PXDN: variants seen among roughly 807,000 people sequenced by gnomAD.
PXDN encodes peroxidasin homolog.
Under a neutral mutation model 140.3 loss-of-function variants are expected in PXDN, and 77 were observed. The ratio of observed to expected loss-of-function variants is 0.55; its 90% CI spans 0.46 to 0.66. PXDN has a LOEUF of 0.66. Ranked by LOEUF, PXDN falls within the 30% of genes least tolerant of loss-of-function variation. The probability of loss-of-function intolerance (pLI) is 0.00; values close to 1 mark genes in which losing one functional copy is unlikely to be tolerated. For synonymous variants in PXDN, 911 were observed against 857.4 expected, an observed-to-expected ratio of 1.06 and a Z score of -1.09; for missense variants, 1,838 against 2,039.5, an observed-to-expected ratio of 0.90 and a Z score of 1.90.
chr2:1,683,737 G>T lies in PXDN; in HGVS notation c.489-10C>A. On this transcript the variant is annotated splice_polypyrimidine_tract_variant and intron_variant, in intron 5 of 22. Transcript: ENST00000252804. ...GTTGTTATGCAAAAATCTGTTGAAA[G>T]AGATTTTATAACAAACCAATTTTGA... The T allele has an allele frequency of 6.3e-7, 1 of 1,591,974 alleles. No individual in the cohort carries two copies. The highest frequency in any genetic ancestry group is 8.5e-7 in the Non-Finnish European group (1 of 1,170,056).
intron 1 of PXDN, among the ~76,000 whole-genome samples, chr2:1,706,183 G>A (rs1220291657): frequency 1.3e-5 from 2 of 152,144 alleles, no homozygotes; most frequent in Admixed American, 6.5e-5. Flanking sequence ...AGGAGCTCCC[G>A]GGTTATTCTA....
chr2:1,653,323 G>C (rs781697582), intron 16 of PXDN: 3 of 398,078 alleles, frequency 7.5e-6, no homozygotes, highest in Non-Finnish European at 4.8e-6. Flanking sequence ...GTTGCAGAGG[G>C]ACTGGGCTTG....
intron 10 of PXDN, 63 bp downstream of exon 10, chr2:1,666,151 G>T: frequency 6.3e-7 from 1 of 1,584,866 alleles, no homozygotes; most frequent in South Asian, 1.1e-5. Context: ...ATGGCAGCGC[G>T]AGCTAGTGGA....
At chr2:1,656,951 C>T (rs1683153919) in intron 14 of PXDN, among the ~76,000 whole-genome samples, 1 of 145,000 alleles carries the variant, frequency 6.9e-6, no homozygotes, top group Admixed American at 6.8e-5. Flanking sequence ...TCCCCTCCTG[C>T]CTCAGACCTG....
intron 1 of PXDN, among the ~76,000 whole-genome samples, chr2:1,704,369 G>T (rs1207473503): frequency 1.3e-5 from 1 of 74,326 alleles, no homozygotes; most frequent in Non-Finnish European, 2.8e-5. Flanking sequence ...CCAGGTGAAG[G>T]GGGGGCAACT....
At chr2:1,688,947 T>C (rs759850864) in intron 3 of PXDN, among the ~76,000 whole-genome samples, 2 of 152,168 alleles carry the variant, frequency 1.3e-5, no homozygotes, top group Non-Finnish European at 1.5e-5. Flanking sequence ...ACCTTATTTC[T>C]TACAACCCAT....
intron 8 of PXDN, 48 bp downstream of exon 8, chr2:1,676,879 G>A (rs368641177): frequency 2.0e-5 from 31 of 1,540,124 alleles, no homozygotes; most frequent in East Asian, 7.1e-5. Context: ...GTGTCTGAGT[G>A]TAACTCCGAG....
intron 21 of PXDN, among the ~76,000 whole-genome samples, chr2:1,637,466 C>T (rs112641103): frequency 2.0e-5 from 3 of 152,062 alleles, no homozygotes; most frequent in African/African-American, 7.3e-5. Flanking sequence ...GGAAGACCTG[C>T]CACACGCTGT....
Position 1,670,646 on chromosome 2 carries a change from C to T in PXDN, c.1018+2997G>A, listed in dbSNP as rs148982365. 1.4e-3 allele frequency among the ~76,000 whole-genome samples: 220 copies of T among 152,268 alleles called. 4 individuals carry two copies. The East Asian group carries it at 0.035, about 24-fold the overall frequency. On this transcript the variant is annotated intron_variant, in intron 9 of 22. Coordinates refer to ENST00000252804, the MANE Select transcript of PXDN (RefSeq NM_012293.3). ...AACCATGAAGCTACTCACAGAAGTACGAACACCAAAGTCAAAGTCGGCCTT... is the reference window on the plus strand; with the variant it reads ...AACCATGAAGCTACTCACAGAAGTATGAACACCAAAGTCAAAGTCGGCCTT...
At chr2:1,638,469 C>T (rs1400174534) in intron 21 of PXDN, among the ~76,000 whole-genome samples, 1 of 152,166 alleles carries the variant, frequency 6.6e-6, no homozygotes, top group Non-Finnish European at 1.5e-5. Flanking sequence ...GCCTCCTTAC[C>T]ACGCCCTGGG....
chr2:1,711,201 C>CCA (rs1212516537), intron 1 of PXDN, among the ~76,000 whole-genome samples: 1 of 84,390 alleles, frequency 1.2e-5, no homozygotes, highest in African/African-American at 4.9e-5. Flanking sequence ...CCACCAGCAC[C>CCA]CGCTCCACCA....
In PXDN at chr2:1,673,695, C is replaced by CACGT. The variant is rs778573162; in HGVS notation, c.962_965dup (p.Ala323ArgfsTer58). ...CCTCTTGCGTCTTCACCTCTCCGGC[C>CACGT]ACGTTCTTTGCCATGCACTGGTAGA... On this transcript the variant is annotated frameshift_variant, in exon 9 of 23. Transcript: ENST00000252804. LOFTEE classifies it high-confidence loss of function. 6.2e-7 allele frequency: 1 copy of CACGT among 1,613,972 alleles called. No homozygotes were observed. The highest frequency in any genetic ancestry group is 8.5e-7 in the Non-Finnish European group (1 of 1,179,860).
Position 1,662,148 on chromosome 2 carries a change from G to A in PXDN, c.1604C>T (p.Thr535Ile). The part of the protein sequence containing the change: ...PVFASIPSDT[T>I]VEVGANVQLP... The stretch of plus-strand genomic sequence containing the variant: ...CTGCACATTGGCGCCCACCTCCACT[G>A]TTGTGTCGCTGGGAATGCTGGCAAA... The change falls in exon 13 of 23, where the codon ACA (threonine) becomes ATA (isoleucine). Residue 535 changes from threonine to isoleucine, a missense_variant. Transcript: ENST00000252804. 2 of 1,594,978 alleles carry A rather than the reference G, an allele frequency of 1.3e-6. No individual in the cohort carries two copies. Among genetic ancestry groups the A allele is most frequent in the Non-Finnish European group, 1.7e-6 (2 of 1,170,750 alleles).
At position 1,649,375 on chromosome 2, in the gene PXDN, A is replaced by G; in HGVS notation, c.2405T>C (p.Leu802Pro). 6.2e-7 allele frequency: 1 copy of G among 1,613,982 alleles called. No individual in the cohort carries two copies. The highest frequency in any genetic ancestry group is 8.5e-7 in the Non-Finnish European group (1 of 1,179,892). The change falls in exon 17 of 23, where the codon CTG becomes CCG. Residue 802 changes from leucine (L) to proline (P), a missense_variant. Physicochemically the swap from Leu to Pro is moderately conservative, Grantham distance 98 (BLOSUM62 -3). Transcript: ENST00000252804. This position sits in a 1 kb window ranked among gnomAD's most constrained non-coding sequence, Gnocchi z 7.1. The stretch of plus-strand genomic sequence containing the variant: ...GGGTGTGACGGTCTCCGTCCCGATC[A>G]GGGTGGTGGACACCAGGCGCGGCAT... ...LPMPRLVSTT[L>P]IGTETVTPDE... is the part of the protein sequence containing the mutation.
Position 1,643,576 on chromosome 2 carries a change from C to T in PXDN, c.3744G>A (p.Arg1248=), listed in dbSNP as rs1167972500. 4 of 1,613,482 alleles carry T rather than the reference C, an allele frequency of 2.5e-6. No homozygotes were observed. Among genetic ancestry groups the T allele is most frequent in the Non-Finnish European group, 3.4e-6 (4 of 1,179,678 alleles). Residue 1248 remains arginine (R), a splice_region_variant and synonymous_variant, in exon 19 of 23, where the codon AGG becomes AGA. Coordinates refer to ENST00000252804, the MANE Select transcript of PXDN (RefSeq NM_012293.3). The part of the protein sequence containing the change: ...TQFKRLRDGD[R]LWYENPGVFS... ...ACACCCCAGGGTTCTCATACCACAA[C>T]CTGGATCCCCCAAAATGAAAGCAGG...
In PXDN at chr2:1,726,399, A is replaced by G. The variant is rs1160052150; in HGVS notation, c.200+17857T>C. ...ACAATGAGAACACATGGACACAGGA[A>G]GGGGAACATCACACTCTGGGGACTG... On this transcript the variant is annotated intron_variant, in intron 1 of 22. Coordinates refer to ENST00000252804, the MANE Select transcript of PXDN (RefSeq NM_012293.3). Among the ~76,000 whole-genome samples, 100 of 125,242 alleles carry G rather than the reference A, an allele frequency of 8.0e-4. 1 individual carries two copies. Among genetic ancestry groups the G allele is most frequent in the African/African-American group, 3.0e-3 (98 of 32,566 alleles). The allele number at this position is 125,242 out of a possible 152,430, so 82.2% of individuals were successfully genotyped here.
Position 1,649,391 on chromosome 2 carries a change from G to A in PXDN, c.2389C>T (p.Leu797=). 6.2e-7 allele frequency: 1 copy of A among 1,613,976 alleles called. No individual in the cohort carries two copies. Among genetic ancestry groups the A allele is most frequent in the Non-Finnish European group, 8.5e-7 (1 of 1,179,874 alleles). The change falls in exon 17 of 23, where the codon CTG becomes TTG. Residue 797 remains leucine, a synonymous_variant. Coordinates refer to ENST00000252804, the MANE Select transcript of PXDN (RefSeq NM_012293.3). This position sits in a 1 kb window ranked among gnomAD's most constrained non-coding sequence, Gnocchi z 7.1. ...YNGHALPMPR[L]VSTTLIGTET... is the part of the protein sequence containing the mutation. ...GTCCCGATCAGGGTGGTGGACACCA[G>A]GCGCGGCATGGGAAGGGCGTGCCCG...
intron 6 of PXDN, 113 bp downstream of exon 6, chr2:1,683,543 C>CTTATCTG: frequency 1.1e-6 from 1 of 930,040 alleles, no homozygotes; most frequent in East Asian, 2.8e-5. Context: ...CTCATTCTTT[C>CTTATCTG]AGAATCAGAT....
At chr2:1,712,686 G>A (rs370916981) in intron 1 of PXDN, among the ~76,000 whole-genome samples, 32 of 152,300 alleles carry the variant, frequency 2.1e-4, no homozygotes, top group East Asian at 5.8e-4. Flanking sequence ...GAAAACGGTC[G>A]GATGAGACTT....
Sources: gnomAD v4.1 joint callset for allele counts (sites outside exome capture counted in the v4.1 genomes callset) on GRCh38, gnomAD v4.1.1 for gene constraint, Gnocchi (gnomAD v3.1) non-coding constraint, MANE v1.5 for transcripts, NCBI Gene and HGNC (gene_info 2026-07-23, HGNC 2026-07-21) for gene names.